FOXK1: variants seen among roughly 807,000 people sequenced by gnomAD.
FOXK1 encodes the protein forkhead box protein K1.
FOXK1 carries 19 observed loss-of-function variants against 51.9 expected under a neutral mutation model. That is an observed-to-expected ratio of 0.37 (90% CI 0.26 to 0.54). FOXK1 has a LOEUF of 0.54. Ranked by LOEUF, FOXK1 falls within the 20% of genes least tolerant of loss-of-function variation. The pLI is 0.87. For missense variants in FOXK1, 870 were observed against 1,032.7 expected (o/e 0.84, Z 2.16); for synonymous variants, 537 against 482.6 (o/e 1.11, Z -1.48).
chr7:4,716,336 C>CAA, intron 1 of FOXK1, among the ~76,000 whole-genome samples: 1 of 151,348 alleles, frequency 6.6e-6, no homozygotes, highest in South Asian at 2.1e-4. Flanking sequence ...CCTGTTTCTA[C>CAA]AAAAAAAAAT....
At chr7:4,721,135 G>A (rs1320965098) in intron 1 of FOXK1, among the ~76,000 whole-genome samples, 1 of 152,186 alleles carries the variant, frequency 6.6e-6, no homozygotes, top group Non-Finnish European at 1.5e-5. Context: ...TCCCGAGTCA[G>A]CAGCCTCCCT....
At chr7:4,688,506 CT>C (rs1779849345) in intron 1 of FOXK1, among the ~76,000 whole-genome samples, 2 of 152,164 alleles carry the variant, frequency 1.3e-5, no homozygotes, top group South Asian at 4.1e-4. Context: ...GCGATTCCCC[CT>C]GCCTCAGCCT....
chr7:4,731,414 G>C lies in FOXK1; in HGVS notation c.561-9424G>C, dbSNP rs190718817. On this transcript the variant is annotated intron_variant, in intron 1 of 8. Transcript: ENST00000328914. The surrounding 1 kb of genome is among the most constrained non-coding windows in gnomAD (Gnocchi z 5.3). Reference sequence around the variant, plus strand: ...GTAACAGCTTTTGCCTCCCATTCTTGAGTCTTTCATTTCTTCAAGGACATG... The same window carrying C: ...GTAACAGCTTTTGCCTCCCATTCTTCAGTCTTTCATTTCTTCAAGGACATG... 4.6e-5 allele frequency among the ~76,000 whole-genome samples: 7 copies of C among 152,284 alleles called. No homozygotes were observed. In the East Asian group the frequency reaches 1.2e-3, roughly 25 times the overall value.
chr7:4,702,291 T>C (rs1780030346), intron 1 of FOXK1, among the ~76,000 whole-genome samples: 1 of 152,172 alleles, frequency 6.6e-6, no homozygotes, highest in Non-Finnish European at 1.5e-5. Flanking sequence ...CCCGCGTATG[T>C]CACATACACA....
rs1367994034 is a variant in FOXK1 at position 4,769,432 on chromosome 7, C to G, written c.*6968C>G. On this transcript the variant is annotated 3_prime_UTR_variant, in exon 9 of 9. Transcript: ENST00000328914. The surrounding 1 kb of genome is among the most constrained non-coding windows in gnomAD (Gnocchi z 4.1). ...GGTGACTGAAGCGGTCTCCAAGTCA[C>G]TCTGTCACCACTTTTTTTTTTTTTG... is the stretch of plus-strand genomic sequence containing the variant. The G allele has an allele frequency of 6.6e-6, 1 of 152,032 alleles. No individual in the cohort carries two copies. Among genetic ancestry groups the G allele is most frequent in the Non-Finnish European group, 1.5e-5 (1 of 68,016 alleles). The allele number at this position is 152,032 out of a possible 1,614,324, so 9.4% of individuals were successfully genotyped here.
chr7:4,690,384 T>C (rs559008233), intron 1 of FOXK1, among the ~76,000 whole-genome samples: 28 of 152,376 alleles, frequency 1.8e-4, no homozygotes, highest in Admixed American at 3.3e-4. Context: ...AGTGTTTTGC[T>C]AGTTGGCAGT....
At chr7:4,710,488 T>C (rs1476201960) in intron 1 of FOXK1, among the ~76,000 whole-genome samples, 4 of 152,170 alleles carry the variant, frequency 2.6e-5, no homozygotes, top group African/African-American at 9.7e-5. Context: ...GGCAGGAGAA[T>C]CGCTTGAAGC....
chr7:4,723,076 C>A lies in FOXK1; in HGVS notation c.561-17762C>A, dbSNP rs890841713. On this transcript the variant is annotated intron_variant, in intron 1 of 8. Transcript: ENST00000328914. This position sits in a 1 kb window ranked among gnomAD's most constrained non-coding sequence, Gnocchi z 4.7. ...CTTGTGATCCCGAACAAAAACCCGT[C>A]TTCCCAAGCCTGTTGACGATGATGG... Among the ~76,000 whole-genome samples, 3 of 152,062 alleles carry A rather than the reference C, an allele frequency of 2.0e-5. No individual in the cohort carries two copies. Among genetic ancestry groups the A allele is most frequent in the African/African-American group, 7.2e-5 (3 of 41,386 alleles).
rs1275242773 is a variant in FOXK1, at chr7:4,768,965, G to A, written c.*6501G>A. 10 of 152,204 alleles carry A rather than the reference G, an allele frequency of 6.6e-5. No individual in the cohort carries two copies. The East Asian group carries it at 1.9e-3, about 29-fold the overall frequency. The allele number at this position is 152,204 out of a possible 1,614,324, so 9.4% of individuals were successfully genotyped here. A position where few individuals can be genotyped will look rare whatever the true frequency, so the allele number is the denominator to read the frequency against. On this transcript the variant is annotated 3_prime_UTR_variant, in exon 9 of 9. Coordinates refer to ENST00000328914, the MANE Select transcript of FOXK1 (RefSeq NM_001037165.2). ...TGAGTGTGACCTGGAAGCTCTGTGGGTCACCAAGACTGGCATTTTCCTTGT... is the reference window on the plus strand; with the variant it reads ...TGAGTGTGACCTGGAAGCTCTGTGGATCACCAAGACTGGCATTTTCCTTGT...
Position 4,761,295 on chromosome 7 carries a change from C to G in FOXK1, c.1921+7C>G, listed in dbSNP as rs752175698. ...TTAGCCGGCAACGCTTACGGTGAGG[C>G]CCTGGCCCTGTTCTCCATGCCACAT... On this transcript the variant is annotated splice_region_variant and intron_variant, in intron 8 of 8. Transcript: ENST00000328914. This position sits in a 1 kb window ranked among gnomAD's most constrained non-coding sequence, Gnocchi z 6.2. The G allele has an allele frequency of 6.2e-7, 1 of 1,608,926 alleles. No homozygotes were observed. Among genetic ancestry groups the G allele is most frequent in the Non-Finnish European group, 8.5e-7 (1 of 1,178,856 alleles).
Position 4,707,884 on chromosome 7 carries a change from A to G in FOXK1, c.560+25016A>G, listed in dbSNP as rs1384575850. On this transcript the variant is annotated intron_variant, in intron 1 of 8. Coordinates refer to ENST00000328914, the MANE Select transcript of FOXK1 (RefSeq NM_001037165.2). This position sits in a 1 kb window ranked among gnomAD's most constrained non-coding sequence, Gnocchi z 4.1. ...TTTTTAGTAGAGATGGGGTTTCACC[A>G]TGTTGGCCAGGCTGGTCACGAACTC... Among the ~76,000 whole-genome samples, 3 of 151,968 alleles carry G rather than the reference A, an allele frequency of 2.0e-5. No homozygotes were observed. The highest frequency in any genetic ancestry group is 2.1e-4 in the South Asian group (1 of 4,822).
At chr7:4,701,196 G>T (rs1224974941) in intron 1 of FOXK1, among the ~76,000 whole-genome samples, 1 of 152,172 alleles carries the variant, frequency 6.6e-6, no homozygotes, top group Non-Finnish European at 1.5e-5. Flanking sequence ...AAACAGCAGG[G>T]GTTTGTTTTC....
intron 1 of FOXK1, among the ~76,000 whole-genome samples, chr7:4,702,968 C>T (rs1432643034): frequency 3.3e-5 from 5 of 152,168 alleles, no homozygotes; most frequent in Admixed American, 2.0e-4. Context: ...CCCAGGGCTG[C>T]GTGTCCTGCT....
At chr7:4,744,446 A>C (rs1404788514) in intron 2 of FOXK1, among the ~76,000 whole-genome samples, 3 of 151,982 alleles carry the variant, frequency 2.0e-5, no homozygotes, top group Non-Finnish European at 2.9e-5. Context: ...CATTGTTTCG[A>C]TCTTCCTGTT....
At chr7:4,736,298 G>A (rs903001390) in intron 1 of FOXK1, among the ~76,000 whole-genome samples, 1 of 152,098 alleles carries the variant, frequency 6.6e-6, no homozygotes, top group Admixed American at 6.6e-5. Context: ...TATTACAGTA[G>A]GAAATTGTCA....
At position 4,759,536 on chromosome 7, in the gene FOXK1, C is replaced by T. The variant is rs778526385; in HGVS notation, c.1637C>T (p.Ala546Val). Residue 546 changes from alanine (A) to valine (V), a missense_variant, in exon 7 of 9, where the codon GCG becomes GTG. Coordinates refer to ENST00000328914, the MANE Select transcript of FOXK1 (RefSeq NM_001037165.2). The stretch of plus-strand genomic sequence containing the variant: ...TACATCCTCACCAGCCAGGGCGCGG[C>T]GGGGGGCTCCCATGATGCGGCGGGC... ...NGYILTSQGAAGGSHDAAGAA... is the reference protein window; with the variant it reads ...NGYILTSQGAVGGSHDAAGAA... The T allele has an allele frequency of 9.6e-6, 15 of 1,558,384 alleles. No homozygotes were observed. The highest frequency in any genetic ancestry group is 1.3e-5 in the Non-Finnish European group (15 of 1,158,386).
chr7:4,705,552 T>TCTCGCTCTCGCTCTCGCTCTCG (rs1554249279), intron 1 of FOXK1, among the ~76,000 whole-genome samples: 80 of 143,676 alleles, frequency 5.6e-4, no homozygotes, highest in African/African-American at 1.4e-3. Context: ...TCTCTCTCTC[T>TCTCGCTCTCGCTCTCGCTCTCG]CTCTCTCGCT....
At chr7:4,721,178 T>C (rs1014866657) in intron 1 of FOXK1, among the ~76,000 whole-genome samples, 2 of 152,180 alleles carry the variant, frequency 1.3e-5, no homozygotes, top group African/African-American at 4.8e-5. Context: ...AGGTTCTCCG[T>C]TCAGTCTGCA....
At chr7:4,738,358 AC>A (rs1295799449) in intron 1 of FOXK1, among the ~76,000 whole-genome samples, 3 of 151,144 alleles carry the variant, frequency 2.0e-5, no homozygotes, top group Non-Finnish European at 4.4e-5. Context: ...AATCGCTTGA[AC>A]CCAGGAGGTG....
Sources: allele counts gnomAD v4.1 joint callset (sites outside exome capture counted in the v4.1 genomes callset), GRCh38; gene constraint gnomAD v4.1.1; non-coding constraint Gnocchi (gnomAD v3.1); transcripts MANE v1.5; gene names NCBI Gene and HGNC (gene_info 2026-07-23, HGNC 2026-07-21).